The following CENPP variants were observed in gnomAD, a reference collection of about 807,000 sequenced individuals.
CENPP encodes centromere protein P.
CENPP carries 24 observed loss-of-function variants against 35.6 expected under a neutral mutation model. The observed-to-expected ratio is 0.67, with a 90% confidence interval of 0.49 to 0.95. The LOEUF is 0.95. Ranked by LOEUF, CENPP falls within the 40% of genes least tolerant of loss-of-function variation. CENPP has a pLI of 0.00. For missense variants in CENPP, 332 were observed against 345.3 expected, an observed-to-expected ratio of 0.96 and a Z score of 0.31; for synonymous variants, 120 against 125.5, an observed-to-expected ratio of 0.96 and a Z score of 0.29.
intron 4 of CENPP, among the ~76,000 whole-genome samples, chr9:92,358,833 G>A (rs989482725): frequency 6.6e-6 from 1 of 151,106 alleles, no homozygotes; most frequent in Non-Finnish European, 1.5e-5. Flanking sequence ...TAAGATGGTG[G>A]TTGTAAAGTC....
At chr9:92,386,496 A>C (rs1269452367) in intron 5 of CENPP, among the ~76,000 whole-genome samples, 2 of 151,718 alleles carry the variant, frequency 1.3e-5, no homozygotes. Flanking sequence ...GTGTATTTTG[A>C]TCCTTTATGA....
rs777908768 is a variant in CENPP, at chr9:92,618,534, G to A, written c.*5385G>A. On this transcript the variant is annotated 3_prime_UTR_variant, in exon 8 of 8. Coordinates refer to ENST00000375587, the MANE Select transcript of CENPP (RefSeq NM_001012267.3). Reference sequence around the variant, plus strand: ...GCCCAGCTGCATCCTTGGTCGGGGGGCTGCTGAACAGTGGTATCTTCGTGG... The same window carrying A: ...GCCCAGCTGCATCCTTGGTCGGGGGACTGCTGAACAGTGGTATCTTCGTGG... 10 of 456,678 alleles carry A rather than the reference G, an allele frequency of 2.2e-5. No individual in the cohort carries two copies. Among genetic ancestry groups the A allele is most frequent in the Middle Eastern group, 3.3e-4 (1 of 3,076 alleles). The allele number at this position is 456,678 out of a possible 1,614,324, so 28.3% of individuals were successfully genotyped here.
At chr9:92,376,293 A>G (rs1842122935) in intron 4 of CENPP, among the ~76,000 whole-genome samples, 1 of 152,200 alleles carries the variant, frequency 6.6e-6, no homozygotes, top group Admixed American at 6.5e-5. Flanking sequence ...CTTTTGCCCT[A>G]CACAGCAGCA....
chr9:92,545,412 G>T (rs1326279300), intron 5 of CENPP, among the ~76,000 whole-genome samples: 1 of 152,190 alleles, frequency 6.6e-6, no homozygotes, highest in Non-Finnish European at 1.5e-5. Context: ...TGCGGAGGGT[G>T]CGTCGGGTAC....
At chr9:92,431,119 A>C (rs1167521080) in intron 5 of CENPP, among the ~76,000 whole-genome samples, 3 of 152,044 alleles carry the variant, frequency 2.0e-5, no homozygotes, top group African/African-American at 4.8e-5. Flanking sequence ...AAATTTAAAA[A>C]ATTTTTTTGC....
chr9:92,428,406 C>T (rs1844022284), intron 5 of CENPP, among the ~76,000 whole-genome samples: 1 of 152,130 alleles, frequency 6.6e-6, no homozygotes, highest in Non-Finnish European at 1.5e-5. Context: ...AAATCAGAAC[C>T]TCTGAGCATG....
intron 5 of CENPP, among the ~76,000 whole-genome samples, chr9:92,390,594 G>A (rs569531315): frequency 2.6e-5 from 4 of 152,222 alleles, no homozygotes; most frequent in East Asian, 1.9e-4. Context: ...GTGTGCGCGC[G>A]CGCGTACTTG....
chr9:92,334,887 C>CA (rs1314839198), intron 2 of CENPP, among the ~76,000 whole-genome samples: 5 of 147,508 alleles, frequency 3.4e-5, no homozygotes, highest in African/African-American at 5.0e-5. Flanking sequence ...CAAAAAAAAC[C>CA]AAAAAAACAA....
chr9:92,367,808 G>A (rs1841922573), intron 4 of CENPP, among the ~76,000 whole-genome samples: 1 of 152,086 alleles, frequency 6.6e-6, no homozygotes, highest in Non-Finnish European at 1.5e-5. Context: ...AGTAGAGATG[G>A]GGTTTCACCA....
chr9:92,428,579 C>T (rs983152220), intron 5 of CENPP, among the ~76,000 whole-genome samples: 1 of 151,420 alleles, frequency 6.6e-6, no homozygotes, highest in Non-Finnish European at 1.5e-5. Context: ...CATACCATGA[C>T]TGCCATCATC....
At chr9:92,416,793 GT>G in intron 5 of CENPP, 1 of 1,613,862 alleles carries the variant, frequency 6.2e-7, no homozygotes, top group Non-Finnish European at 8.5e-7. Flanking sequence ...AGTTTTGGAA[GT>G]TTGTCGAAGT....
At chr9:92,552,074 AT>A (rs1849618340) in intron 5 of CENPP, among the ~76,000 whole-genome samples, 1 of 108,524 alleles carries the variant, frequency 9.2e-6, no homozygotes, top group African/African-American at 4.4e-5. Flanking sequence ...GATATGATAG[AT>A]CTATCATATA....
At chr9:92,492,289 A>T (rs923724818) in intron 5 of CENPP, among the ~76,000 whole-genome samples, 5 of 152,218 alleles carry the variant, frequency 3.3e-5, no homozygotes, top group African/African-American at 1.2e-4. Context: ...CTTAAAACAA[A>T]CATTGTCATA....
intron 2 of CENPP, among the ~76,000 whole-genome samples, chr9:92,335,406 C>A (rs1468575470): frequency 6.6e-6 from 1 of 152,040 alleles, no homozygotes; most frequent in Non-Finnish European, 1.5e-5. Flanking sequence ...TTCCAGGATT[C>A]CATCTGCATT....
chr9:92,473,708 T>C (rs1845608548), intron 5 of CENPP, among the ~76,000 whole-genome samples: 4 of 152,262 alleles, frequency 2.6e-5, no homozygotes, highest in Admixed American at 2.0e-4. Context: ...CTAGTAAGTC[T>C]AGCTCGTATT....
chr9:92,552,823 C>T (rs1480587424), intron 5 of CENPP, among the ~76,000 whole-genome samples: 7 of 151,982 alleles, frequency 4.6e-5, no homozygotes, highest in African/African-American at 1.2e-4. Flanking sequence ...TTCCTTTTGC[C>T]GTGCAAAAGC....
intron 5 of CENPP, among the ~76,000 whole-genome samples, chr9:92,442,398 C>CAAAAAAAAAAAAA (rs71362387): frequency 1.3e-5 from 1 of 74,484 alleles, no homozygotes; most frequent in Non-Finnish European, 2.8e-5. Flanking sequence ...AACTCTGTCT[C>CAAAAAAAAAAAAA]AAAAAAAAAA....
At chr9:92,367,325 C>A (rs1260589081) in intron 4 of CENPP, among the ~76,000 whole-genome samples, 1 of 152,048 alleles carries the variant, frequency 6.6e-6, no homozygotes, top group African/African-American at 2.4e-5. Context: ...CGCCACCACA[C>A]CCAGCTAATT....
intron 7 of CENPP, 55 bp downstream of exon 7, chr9:92,612,669 C>T (rs983586464): frequency 1.9e-5 from 24 of 1,296,224 alleles, no homozygotes; most frequent in South Asian, 1.2e-4. Context: ...CCAGCAAAGC[C>T]GCCTGCCTGT....
Sources: allele counts gnomAD v4.1 joint callset (sites outside exome capture counted in the v4.1 genomes callset), GRCh38; gene constraint gnomAD v4.1.1; transcripts MANE v1.5; gene names NCBI Gene and HGNC (gene_info 2026-07-23, HGNC 2026-07-21).